Variants in SERPINB4 observed in about 807,000 individuals in gnomAD.
The protein encoded by SERPINB4 is serpin family B member 4, also known as serpin B4.
SERPINB4 carries 39 observed loss-of-function variants against 33.2 expected under a neutral mutation model. The observed-to-expected ratio is 1.18, with a 90% CI of 0.91 to 1.53. The LOEUF is 1.53. Ranked by LOEUF, SERPINB4 falls within the 40% of genes most tolerant of loss-of-function variation. The pLI, the probability that SERPINB4 is intolerant of heterozygous loss-of-function variation, is 0.00. For missense variants in SERPINB4, 564 were observed against 455.4 expected (o/e 1.24, Z -2.17); for synonymous variants, 191 against 166.4 (o/e 1.15, Z -1.14).
rs142166529 is a variant in SERPINB4, at chr18:63,639,184, C to A, written c.768+1G>T. 1 of 1,603,648 alleles carries A rather than the reference C, an allele frequency of 6.2e-7. No individual in the cohort carries two copies. ...GAAGAGTTGTAGATGCAAGTTCTTA[C>A]CTTCTGCAGACCATCGATTTCATTT... On this transcript the variant is annotated splice_donor_variant, in intron 7 of 7. Coordinates refer to ENST00000341074, the MANE Select transcript of SERPINB4 (RefSeq NM_002974.4). LOFTEE classifies it high-confidence loss of function.
intron 1 of SERPINB4, 146 bp from the exon 2 acceptor site, chr18:63,643,749 C>A: frequency 2.3e-6 from 2 of 860,260 alleles, no homozygotes; most frequent in Non-Finnish European, 3.6e-6. Flanking sequence ...TTCAATCTTT[C>A]TACAATGTGC....
At chr18:63,643,043 A>G (rs2084099071) in intron 3 of SERPINB4, 118 bp downstream of exon 3, 2 of 1,267,708 alleles carry the variant, frequency 1.6e-6, no homozygotes, top group East Asian at 2.4e-5. Context: ...GTATGTCTCA[A>G]TCTTTGTGTC....
At position 63,638,189 on chromosome 18, in the gene SERPINB4, A is replaced by G. The variant is rs981474606; in HGVS notation, c.769-66T>C. 94 of 1,527,610 alleles carry G rather than the reference A, an allele frequency of 6.2e-5. No homozygotes were observed. In the African/African-American group the frequency reaches 1.2e-3, roughly 20 times the overall value. 94.6% of individuals were successfully genotyped at this position (1,527,610 alleles called of 1,614,324 possible). ...GATCTCTAATACACCTTAACAATGA[A>G]TTGACTATGTGGAGATTCGTTATTT... On this transcript the variant is annotated intron_variant, in intron 7 of 7. Transcript: ENST00000341074.
At position 63,638,140 on chromosome 18, in the gene SERPINB4, A is replaced by C; in HGVS notation, c.769-17T>G. On this transcript the variant is annotated splice_polypyrimidine_tract_variant and intron_variant, in intron 7 of 7. Transcript: ENST00000341074. ...CTCTTCAAGCTATACAAATGGAAAA[A>C]AGAAACTGATATGACTAACTGTCGA... The C allele has an allele frequency of 6.2e-7, 1 of 1,606,786 alleles. No homozygotes were observed. The highest frequency in any genetic ancestry group is 8.5e-7 in the Non-Finnish European group (1 of 1,176,182).
intron 7 of SERPINB4, among the ~76,000 whole-genome samples, chr18:63,638,586 C>A (rs1913018691): frequency 6.6e-6 from 1 of 151,658 alleles, no homozygotes. Flanking sequence ...ATTTGTATTC[C>A]CTTTTCTACT....
At chr18:63,641,486 G>A (rs1459980030) in intron 4 of SERPINB4, among the ~76,000 whole-genome samples, 11 of 151,906 alleles carry the variant, frequency 7.2e-5, no homozygotes, top group Non-Finnish European at 1.3e-4. Context: ...CCAGTTTATC[G>A]ATGGTATCTT....
intron 7 of SERPINB4, among the ~76,000 whole-genome samples, chr18:63,638,441 G>A (rs935281114): frequency 1.3e-5 from 2 of 151,900 alleles, no homozygotes; most frequent in African/African-American, 4.8e-5. Context: ...TGTACACAAT[G>A]AACTGTATGT....
Position 63,640,792 on chromosome 18 carries a change from C to A in SERPINB4, c.469+82G>T, listed in dbSNP as rs1474731182. On this transcript the variant is annotated intron_variant, in intron 5 of 7. Coordinates refer to ENST00000341074, the MANE Select transcript of SERPINB4 (RefSeq NM_002974.4). ...TGCAAACCCATCTCAATCCCCACAC[C>A]TGTTCCCCCATGCAGTGTCAAGCAC... 3 of 1,191,274 alleles carry A rather than the reference C, an allele frequency of 2.5e-6. No individual in the cohort carries two copies. The South Asian group carries it at 3.9e-5, about 15-fold the overall frequency. The allele number at this position is 1,191,274 out of a possible 1,614,324, so 73.8% of individuals were successfully genotyped here.
Position 63,643,433 on chromosome 18 carries a change from T to A in SERPINB4, c.145A>T (p.Thr49Ser), listed in dbSNP as rs1284953151. 9 of 1,613,522 alleles carry A rather than the reference T, an allele frequency of 5.6e-6. No homozygotes were observed. Among genetic ancestry groups the A allele is most frequent in the Non-Finnish European group, 7.6e-6 (9 of 1,179,710 alleles). Residue 49 changes from threonine to serine, a missense_variant, in exon 2 of 8, where the codon ACT becomes TCT. Coordinates refer to ENST00000341074, the MANE Select transcript of SERPINB4 (RefSeq NM_002974.4). ...GMVLLGAKDNTAQQISKVLHF... is the reference protein window; with the variant it reads ...GMVLLGAKDNSAQQISKVLHF... ...GCTACCTTGCTAATTTGTTGTGCAG[T>A]GTTGTCTTTGGCTCCTAAGAGGACC...
At chr18:63,643,684 A>C in intron 1 of SERPINB4, 81 bp from the exon 2 acceptor site, 1 of 1,460,118 alleles carries the variant, frequency 6.8e-7, no homozygotes, top group African/African-American at 1.4e-5. Context: ...TAAAGAAATG[A>C]TATATCTGGG....
At chr18:63,643,949 G>T (rs1400536927) in intron 1 of SERPINB4, among the ~76,000 whole-genome samples, 2 of 151,802 alleles carry the variant, frequency 1.3e-5, no homozygotes, top group Non-Finnish European at 2.9e-5. Flanking sequence ...CTGTTAAGAT[G>T]CGTCCCTGAC....
chr18:63,640,837 T>A, intron 5 of SERPINB4, 37 bp downstream of exon 5: 4 of 1,556,552 alleles, frequency 2.6e-6, no homozygotes, highest in Non-Finnish European at 2.7e-6. Context: ...TGGCATAGGT[T>A]TCTCAAAGGT....
Position 63,643,492 on chromosome 18 carries a change from T to C in SERPINB4, c.86A>G (p.Tyr29Cys), listed in dbSNP as rs755647833. 1 of 1,613,774 alleles carries C rather than the reference T, an allele frequency of 6.2e-7. No homozygotes were observed. Residue 29 changes from tyrosine to cysteine, a missense_variant, in exon 2 of 8, where the codon TAT becomes TGT. Physicochemically the swap from Tyr to Cys is radical, Grantham distance 194. Coordinates refer to ENST00000341074, the MANE Select transcript of SERPINB4 (RefSeq NM_002974.4). ...TGCTGATGTGATGCTGATAGGGGAA[T>C]AGAAGATGTTGTTCTCTTTTGATTT... ...FRKSKENNIFYSPISITSALG... is the reference protein window; with the variant it reads ...FRKSKENNIFCSPISITSALG...
In SERPINB4 at chr18:63,637,618, A is replaced by G. The variant is rs1912967261; in HGVS notation, c.*101T>C. 1 of 1,244,474 alleles carries G rather than the reference A, an allele frequency of 8.0e-7. No homozygotes were observed. The highest frequency in any genetic ancestry group is 1.5e-5 in the African/African-American group (1 of 66,140). The allele number at this position is 1,244,474 out of a possible 1,614,324, so 77.1% of individuals were successfully genotyped here. ...GACTATCATCATCAAGATGAGATAGAAAAGAAATATGAGCCAAGAGAATCT... is the reference window on the plus strand; with the variant it reads ...GACTATCATCATCAAGATGAGATAGGAAAGAAATATGAGCCAAGAGAATCT... On this transcript the variant is annotated 3_prime_UTR_variant, in exon 8 of 8. Coordinates refer to ENST00000341074, the MANE Select transcript of SERPINB4 (RefSeq NM_002974.4).
In SERPINB4 at chr18:63,637,604, T is replaced by C. The variant is rs544301747; in HGVS notation, c.*115A>G. 128 of 1,090,756 alleles carry C rather than the reference T, an allele frequency of 1.2e-4. No homozygotes were observed. The Middle Eastern group carries it at 1.8e-3, about 15-fold the overall frequency. 67.6% of individuals were successfully genotyped at this position (1,090,756 alleles called of 1,614,324 possible). The stretch of plus-strand genomic sequence containing the variant: ...AAATTCTTGATGATGACTATCATCA[T>C]CAAGATGAGATAGAAAAGAAATATG... On this transcript the variant is annotated 3_prime_UTR_variant, in exon 8 of 8. Transcript: ENST00000341074.
Position 63,639,247 on chromosome 18 carries a change from A to G in SERPINB4, c.706T>C (p.Tyr236His). ...DVQAKVLEIP[Y>H]KGKDLSMIVL... ...ATCATGCTTAGATCTTTGCCTTTGT[A>G]TGGTATTTCCAGGACCTTGGCCTGT... Residue 236 changes from tyrosine (Y) to histidine (H), a missense_variant, in exon 7 of 8, where the codon TAC (tyrosine) becomes CAC (histidine). Physicochemically the swap from Tyr to His is moderately conservative, Grantham distance 83. Transcript: ENST00000341074. 2 of 1,612,826 alleles carry G rather than the reference A, an allele frequency of 1.2e-6. No homozygotes were observed. The highest frequency in any genetic ancestry group is 1.7e-6 in the Non-Finnish European group (2 of 1,179,214).
In SERPINB4 at chr18:63,637,873, C is replaced by A. The variant is rs1302198919; in HGVS notation, c.1019G>T (p.Gly340Val). 3 of 1,613,504 alleles carry A rather than the reference C, an allele frequency of 1.9e-6. No homozygotes were observed. The South Asian group carries it at 3.3e-5, about 18-fold the overall frequency. The change falls in exon 8 of 8, where the codon GGA (glycine) becomes GTA (valine). Residue 340 changes from glycine (G) to valine (V), a missense_variant. Coordinates refer to ENST00000341074, the MANE Select transcript of SERPINB4 (RefSeq NM_002974.4). Reference protein sequence around the residue: ...HKAFVEVTEEGVEAAAATAVV... With the variant: ...HKAFVEVTEEVVEAAAATAVV... The stretch of plus-strand genomic sequence containing the variant: ...AGCGGTGGCAGCTGCAGCTTCCACT[C>A]CCTCCTCAGTGACCTCCACAAAGGC...
intron 7 of SERPINB4, among the ~76,000 whole-genome samples, chr18:63,638,456 C>G (rs995841728): frequency 6.6e-6 from 1 of 151,946 alleles, no homozygotes; most frequent in African/African-American, 2.4e-5. Context: ...GTATGTATCA[C>G]TATTTCTTGT....
intron 7 of SERPINB4, among the ~76,000 whole-genome samples, chr18:63,638,626 G>C (rs1176961699): frequency 2.6e-5 from 4 of 151,452 alleles, no homozygotes; most frequent in African/African-American, 7.3e-5. Flanking sequence ...CCTCACATTG[G>C]TATATATTTC....
Sources: gnomAD v4.1 joint callset for allele counts (sites outside exome capture counted in the v4.1 genomes callset) on GRCh38, gnomAD v4.1.1 for gene constraint, MANE v1.5 for transcripts, NCBI Gene and HGNC (gene_info 2026-07-23, HGNC 2026-07-21) for gene names.